Variants in LTB4R observed in about 807,000 individuals in gnomAD.
The protein encoded by LTB4R is leukotriene B4 receptor.
For missense variants in LTB4R, 470 were observed against 485.6 expected (o/e 0.97, Z 0.30); for synonymous variants, 250 against 230.7 (o/e 1.08, Z -0.76).
chr14:24,311,722 G>A lies in LTB4R; in HGVS notation c.-98G>A. The A allele has an allele frequency of 6.3e-7, 1 of 1,591,578 alleles. No homozygotes were observed. The highest frequency in any genetic ancestry group is 8.6e-7 in the Non-Finnish European group (1 of 1,167,382). On this transcript the variant is annotated 5_prime_UTR_variant, in exon 1 of 2. Coordinates refer to ENST00000345363, the MANE Select transcript of LTB4R (RefSeq NM_001143919.3). ...CCGGGGGGTGGGATGGAGAAGGACG[G>A]TCCGGAATGGGACCTTTGACAGCAG...
intron 1 of LTB4R, among the ~76,000 whole-genome samples, chr14:24,312,419 A>G (rs576881877): frequency 1.4e-4 from 22 of 152,334 alleles, no homozygotes; most frequent in African/African-American, 2.4e-4. Context: ...AGGAGTGGAC[A>G]GTGGTGTAGG....
In LTB4R at chr14:24,316,769, G is replaced by A; in HGVS notation, c.*59G>A. 4 of 1,359,178 alleles carry A rather than the reference G, an allele frequency of 2.9e-6. No homozygotes were observed. The highest frequency in any genetic ancestry group is 3.1e-5 in the East Asian group (1 of 32,754). The allele number at this position is 1,359,178 out of a possible 1,614,324, so 84.2% of individuals were successfully genotyped here. A position where few individuals can be genotyped will look rare whatever the true frequency, so the allele number is the denominator to read the frequency against. On this transcript the variant is annotated 3_prime_UTR_variant, in exon 2 of 2. Coordinates refer to ENST00000345363, the MANE Select transcript of LTB4R (RefSeq NM_001143919.3). ...AGAATGCTAGCTCTGAGCCAGTTCA[G>A]TACCTGGAGGAGGAGCAGGGGCGTG... is the stretch of plus-strand genomic sequence containing the variant.
chr14:24,315,509 T>G (rs886606676), intron 1 of LTB4R, 128 bp from the exon 2 acceptor site: 2 of 628,796 alleles, frequency 3.2e-6, no homozygotes, highest in Non-Finnish European at 2.8e-6. Context: ...GGGGGCAGTA[T>G]ATTTCAGGGG....
At chr14:24,315,116 A>G (rs1201352215) in intron 1 of LTB4R, 1 of 154,326 alleles carries the variant, frequency 6.5e-6, no homozygotes, top group Non-Finnish European at 1.4e-5. Flanking sequence ...AAGCCTGACC[A>G]GCGTAAAAAG....
chr14:24,316,328 T>A lies in LTB4R; in HGVS notation c.677T>A (p.Ile226Asn). 6.2e-7 allele frequency: 1 copy of A among 1,600,206 alleles called. No individual in the cohort carries two copies. Among genetic ancestry groups the A allele is most frequent in the Non-Finnish European group, 8.5e-7 (1 of 1,175,264 alleles). ...SRRTGRLVVLIILTFAAFWLP... is the reference protein window; with the variant it reads ...SRRTGRLVVLNILTFAAFWLP... Reference sequence around the variant, plus strand: ...CGCACCGGCCGCCTGGTGGTGCTCATCATCCTGACCTTCGCCGCCTTCTGG... The same window carrying A: ...CGCACCGGCCGCCTGGTGGTGCTCAACATCCTGACCTTCGCCGCCTTCTGG... The change falls in exon 2 of 2, where the codon ATC becomes AAC. Residue 226 changes from isoleucine (I) to asparagine (N), a missense_variant. Coordinates refer to ENST00000345363, the MANE Select transcript of LTB4R (RefSeq NM_001143919.3).
chr14:24,311,556 CG>C lies in LTB4R; in HGVS notation c.-261del, dbSNP rs777205034. 1.2e-6 allele frequency: 2 copies of C among 1,608,354 alleles called. No homozygotes were observed. The highest frequency in any genetic ancestry group is 1.7e-6 in the Non-Finnish European group (2 of 1,180,014). On this transcript the variant is annotated 5_prime_UTR_variant, in exon 1 of 2. Coordinates refer to ENST00000345363, the MANE Select transcript of LTB4R (RefSeq NM_001143919.3). ...CTTCACCGCTGGAGATCTGCTGCCC[CG>C]GGCAGGTCCCCGTTTCCTCACGCGG...
Position 24,311,750 on chromosome 14 carries a change from C to A in LTB4R, c.-70C>A. 6.4e-7 allele frequency: 1 copy of A among 1,551,286 alleles called. No homozygotes were observed. The highest frequency in any genetic ancestry group is 8.7e-7 in the Non-Finnish European group (1 of 1,145,000). On this transcript the variant is annotated 5_prime_UTR_variant, in exon 1 of 2. Transcript: ENST00000345363. ...CGGAATGGGACCTTTGACAGCAGAC[C>A]CTACAACCTGCTGCCCTTCCCTGTC...
intron 1 of LTB4R, chr14:24,312,016 T>C: frequency 2.2e-6 from 1 of 450,316 alleles, no homozygotes; most frequent in South Asian, 4.9e-5. Flanking sequence ...GCTGTTATTG[T>C]GAAATACACT....
At position 24,315,988 on chromosome 14, in the gene LTB4R, C is replaced by G. The variant is rs1200259214; in HGVS notation, c.337C>G (p.Leu113Val). The part of the protein sequence containing the change: ...ASVLLITAMS[L>V]DRSLAVARPF... ...CGTCCTGCTTATCACGGCCATGAGTCTAGACCGCTCACTGGCGGTGGCCCG... is the reference window on the plus strand; with the variant it reads ...CGTCCTGCTTATCACGGCCATGAGTGTAGACCGCTCACTGGCGGTGGCCCG... Residue 113 changes from leucine (L) to valine (V), a missense_variant, in exon 2 of 2, where the codon CTA becomes GTA. By Grantham distance (32) the Leu-to-Val change is conservative. Transcript: ENST00000345363. 1 of 1,614,022 alleles carries G rather than the reference C, an allele frequency of 6.2e-7. No individual in the cohort carries two copies. The highest frequency in any genetic ancestry group is 1.7e-5 in the Admixed American group (1 of 60,036).
rs1384510180 is a variant in LTB4R at position 24,316,498 on chromosome 14, G to A, written c.847G>A (p.Val283Met). The A allele has an allele frequency of 1.9e-6, 3 of 1,539,178 alleles. No individual in the cohort carries two copies. In the Admixed American group the frequency reaches 6.1e-5, roughly 32 times the overall value. The change falls in exon 2 of 2, where the codon GTG (valine) becomes ATG (methionine). Residue 283 changes from valine to methionine, a missense_variant. By Grantham distance (21) the Val-to-Met change is conservative (BLOSUM62 1). Transcript: ENST00000345363. The part of the protein sequence containing the change: ...LAFLSSSVNP[V>M]LYACAGGGLL... ...CTTCCTGAGCAGCAGCGTGAACCCC[G>A]TGCTGTACGCGTGCGCCGGCGGCGG...
rs776762067 is a variant in LTB4R, at chr14:24,315,747, G to A, written c.96G>A (p.Gly32=). 2 of 1,614,146 alleles carry A rather than the reference G, an allele frequency of 1.2e-6. No individual in the cohort carries two copies. Among genetic ancestry groups the A allele is most frequent in the Non-Finnish European group, 1.7e-6 (2 of 1,180,002 alleles). The change falls in exon 2 of 2, where the codon GGG becomes GGA. Residue 32 remains glycine, a synonymous_variant. Transcript: ENST00000345363. ...TGCTGTCAGTGGCGCTGGCTGTGGG[G>A]CTTCCCGGCAACAGCTTTGTGGTGT... ...IILLSVALAV[G]LPGNSFVVWS...
rs370069608 is a variant in LTB4R, at chr14:24,316,315, C to A, written c.664C>A (p.Leu222Met). The A allele has an allele frequency of 5.0e-6, 8 of 1,601,504 alleles. No individual in the cohort carries two copies. The highest frequency in any genetic ancestry group is 6.8e-6 in the Non-Finnish European group (8 of 1,175,676). ...RFRRSRRTGR[L>M]VVLIILTFAA... ...CCGCCGCAGCCGCCGCACCGGCCGC[C>A]TGGTGGTGCTCATCATCCTGACCTT... Residue 222 changes from leucine (L) to methionine (M), a missense_variant, in exon 2 of 2, where the codon CTG becomes ATG. Physicochemically the swap from Leu to Met is conservative, Grantham distance 15 (BLOSUM62 2). Coordinates refer to ENST00000345363, the MANE Select transcript of LTB4R (RefSeq NM_001143919.3).
chr14:24,316,636 C>T lies in LTB4R; in HGVS notation c.985C>T (p.Pro329Ser). The stretch of plus-strand genomic sequence containing the variant: ...CCTGGGCCAGACCGCTAGGAGCGGC[C>T]CCGCCGCTCTGGAGCCCGGCCCTTC... Reference protein sequence around the residue: ...GSLGQTARSGPAALEPGPSES... With the variant: ...GSLGQTARSGSAALEPGPSES... The change falls in exon 2 of 2, where the codon CCC becomes TCC. Residue 329 changes from proline to serine, a missense_variant. Pro to Ser is a moderately conservative substitution (Grantham distance 74). Transcript: ENST00000345363. The T allele has an allele frequency of 6.6e-7, 1 of 1,524,388 alleles. No individual in the cohort carries two copies. Among genetic ancestry groups the T allele is most frequent in the Non-Finnish European group, 8.8e-7 (1 of 1,137,210 alleles). The allele number at this position is 1,524,388 out of a possible 1,614,324, so 94.4% of individuals were successfully genotyped here.
intron 1 of LTB4R, chr14:24,312,052 G>A (rs1392711400): frequency 3.0e-6 from 1 of 338,790 alleles, no homozygotes; most frequent in Non-Finnish European, 5.6e-6. Flanking sequence ...GATGACTTAA[G>A]TGTGCTTCCC....
Position 24,316,522 on chromosome 14 carries a change from G to A in LTB4R, c.871G>A (p.Gly291Ser). 6.8e-7 allele frequency: 1 copy of A among 1,471,326 alleles called. No homozygotes were observed. Among genetic ancestry groups the A allele is most frequent in the Non-Finnish European group, 8.9e-7 (1 of 1,118,290 alleles). 91.1% of individuals were successfully genotyped at this position (1,471,326 alleles called of 1,614,324 possible). ...CGTGCTGTACGCGTGCGCCGGCGGC[G>A]GCCTGCTGCGCTCGGCGGGCGTGGG... Reference protein sequence around the residue: ...NPVLYACAGGGLLRSAGVGFV... With the variant: ...NPVLYACAGGSLLRSAGVGFV... Residue 291 changes from glycine to serine, a missense_variant, in exon 2 of 2, where the codon GGC becomes AGC. Coordinates refer to ENST00000345363, the MANE Select transcript of LTB4R (RefSeq NM_001143919.3).
At position 24,316,168 on chromosome 14, in the gene LTB4R, C is replaced by T. The variant is rs1260566570; in HGVS notation, c.517C>T (p.Pro173Ser). The stretch of plus-strand genomic sequence containing the variant: ...CATGAGCCTGTGCTTCCCGCGGTAC[C>T]CCAGCGAAGGGCACCGGGCCTTCCA... ...TNMSLCFPRY[P>S]SEGHRAFHLI... is the part of the protein sequence containing the mutation. Residue 173 changes from proline to serine, a missense_variant, in exon 2 of 2, where the codon CCC becomes TCC. Coordinates refer to ENST00000345363, the MANE Select transcript of LTB4R (RefSeq NM_001143919.3). 1 of 1,613,914 alleles carries T rather than the reference C, an allele frequency of 6.2e-7. No individual in the cohort carries two copies. The highest frequency in any genetic ancestry group is 1.7e-5 in the Admixed American group (1 of 60,030).
rs1412317208 is a variant in LTB4R at position 24,315,770 on chromosome 14, T to C, written c.119T>C (p.Val40Ala). 1 of 1,614,066 alleles carries C rather than the reference T, an allele frequency of 6.2e-7. No homozygotes were observed. ...GGGCTTCCCGGCAACAGCTTTGTGGTGTGGAGTATCCTGAAAAGGATGCAG... is the reference window on the plus strand; with the variant it reads ...GGGCTTCCCGGCAACAGCTTTGTGGCGTGGAGTATCCTGAAAAGGATGCAG... ...AVGLPGNSFVVWSILKRMQKR... is the reference protein window; with the variant it reads ...AVGLPGNSFVAWSILKRMQKR... The change falls in exon 2 of 2, where the codon GTG becomes GCG. Residue 40 changes from valine to alanine, a missense_variant. By Grantham distance (64) the Val-to-Ala change is moderately conservative. Coordinates refer to ENST00000345363, the MANE Select transcript of LTB4R (RefSeq NM_001143919.3).
Position 24,316,721 on chromosome 14 carries a change from A to G in LTB4R, c.*11A>G. On this transcript the variant is annotated 3_prime_UTR_variant, in exon 2 of 2. Coordinates refer to ENST00000345363, the MANE Select transcript of LTB4R (RefSeq NM_001143919.3). ...AACGAACTGAACTAGGCCTGGTGGA[A>G]GGAGGCGCACTTTCCTCCTGGCAGA... 6.6e-7 allele frequency: 1 copy of G among 1,507,400 alleles called. No individual in the cohort carries two copies. The highest frequency in any genetic ancestry group is 8.9e-7 in the Non-Finnish European group (1 of 1,128,564). The allele number at this position is 1,507,400 out of a possible 1,614,324, so 93.4% of individuals were successfully genotyped here.
Position 24,311,574 on chromosome 14 carries a change from C to T in LTB4R, c.-246C>T. ...GCTGCCCCGGGCAGGTCCCCGTTTC[C>T]TCACGCGGCTCTTCGAAGGCTCTGG... On this transcript the variant is annotated 5_prime_UTR_variant, in exon 1 of 2. Transcript: ENST00000345363. 1 of 1,610,754 alleles carries T rather than the reference C, an allele frequency of 6.2e-7. No homozygotes were observed.
Sources: gnomAD v4.1 joint callset for allele counts (sites outside exome capture counted in the v4.1 genomes callset) on GRCh38, gnomAD v4.1.1 for gene constraint, MANE v1.5 for transcripts, NCBI Gene and HGNC (gene_info 2026-07-23, HGNC 2026-07-21) for gene names.